The following PHF14 variants were observed in gnomAD, a reference collection of about 807,000 sequenced individuals.
The protein encoded by PHF14 is PHD finger protein 14.
A neutral mutation model predicts 117.9 loss-of-function variants in PHF14; 55 were observed. The ratio of observed to expected loss-of-function variants is 0.47; its 90% CI spans 0.38 to 0.58. PHF14 has a LOEUF of 0.58. PHF14 is among the 20% of genes least tolerant of loss of function. The pLI is 0.00. For synonymous variants in PHF14, 409 were observed against 368.6 expected (o/e 1.11, Z -1.26); for missense variants, 978 against 1,122.2 (o/e 0.87, Z 1.84).
At chr7:11,084,358 A>T (rs1326460726) in intron 16 of PHF14, among the ~76,000 whole-genome samples, 1 of 152,104 alleles carries the variant, frequency 6.6e-6, no homozygotes, top group Non-Finnish European at 1.5e-5. Flanking sequence ...CATCCTCTAA[A>T]CCTGTCCCTT....
chr7:11,106,068 C>G (rs1394570369), intron 16 of PHF14: 5 of 983,850 alleles, frequency 5.1e-6, no homozygotes, highest in Non-Finnish European at 6.0e-6. Flanking sequence ...TCTAATTCTT[C>G]TCTCATGCTG....
At chr7:11,026,493 A>G (rs1463146487) in intron 6 of PHF14, among the ~76,000 whole-genome samples, 1 of 152,130 alleles carries the variant, frequency 6.6e-6, no homozygotes, top group Non-Finnish European at 1.5e-5. Context: ...AGGTTATTTG[A>G]GCATTAACAG....
chr7:11,074,086 C>T (rs1785728227), intron 16 of PHF14, among the ~76,000 whole-genome samples: 1 of 152,186 alleles, frequency 6.6e-6, no homozygotes, highest in Non-Finnish European at 1.5e-5. Flanking sequence ...GCGTTCAATG[C>T]CTTTCCCCCA....
At chr7:11,069,171 G>A (rs897376282) in intron 16 of PHF14, among the ~76,000 whole-genome samples, 60 of 152,206 alleles carry the variant, frequency 3.9e-4, no homozygotes, top group Admixed American at 9.8e-4. Flanking sequence ...GAACAGCAGT[G>A]GGCAAGAGTC....
rs544289517 is a variant in PHF14, at chr7:10,997,100, A to G, written c.1045+6253A>G. On this transcript the variant is annotated intron_variant, in intron 4 of 17. Transcript: ENST00000634607. The stretch of plus-strand genomic sequence containing the variant: ...ATATTAGATACATCTTGGTCCTTCT[A>G]TCCCTTTCTGTCTGTATTTAATGCA... Among the ~76,000 whole-genome samples, 6 of 152,286 alleles carry G rather than the reference A, an allele frequency of 3.9e-5. No individual in the cohort carries two copies. The South Asian group carries it at 1.2e-3, about 32-fold the overall frequency.
Position 11,032,574 on chromosome 7 carries a change from G to C in PHF14, c.1456-3066G>C, listed in dbSNP as rs546125308. 9.9e-5 allele frequency among the ~76,000 whole-genome samples: 15 copies of C among 151,990 alleles called. No individual in the cohort carries two copies. In the South Asian group the frequency reaches 3.1e-3, roughly 32 times the overall value. On this transcript the variant is annotated intron_variant, in intron 7 of 17. Coordinates refer to ENST00000634607, the MANE Select transcript of PHF14 (RefSeq NM_001007157.2). ...GACCACAAGCTAAACTTAATCCATA[G>C]ATGGATTTTGTTTGTTAGGAGTAGA... is the stretch of plus-strand genomic sequence containing the variant.
chr7:11,129,254 A>T (rs1442140660), intron 17 of PHF14, among the ~76,000 whole-genome samples: 1 of 152,130 alleles, frequency 6.6e-6, no homozygotes, highest in African/African-American at 2.4e-5. Flanking sequence ...TTGAAACAAC[A>T]AATGATGTTT....
chr7:11,030,061 C>T (rs552611491), intron 7 of PHF14, among the ~76,000 whole-genome samples: 1 of 151,032 alleles, frequency 6.6e-6, no homozygotes, highest in African/African-American at 2.4e-5. Context: ...ATAGCTGTTC[C>T]AATCTCTTCA....
chr7:11,048,053 A>G (rs1241570554), intron 13 of PHF14, among the ~76,000 whole-genome samples: 1 of 152,080 alleles, frequency 6.6e-6, no homozygotes, highest in Non-Finnish European at 1.5e-5. Context: ...TATACTTTAA[A>G]TTTTTAATTG....
intron 17 of PHF14, among the ~76,000 whole-genome samples, chr7:11,159,843 C>T (rs1788972646): frequency 6.6e-6 from 1 of 152,178 alleles, no homozygotes; most frequent in East Asian, 1.9e-4. Context: ...AAAAGATATT[C>T]CTTTTTATTC....
chr7:11,073,091 C>A (rs1014301881), intron 16 of PHF14, among the ~76,000 whole-genome samples: 4 of 152,008 alleles, frequency 2.6e-5, no homozygotes, highest in Non-Finnish European at 5.9e-5. Flanking sequence ...TCACTCCTTG[C>A]CCCCCCTCCC....
intron 13 of PHF14, among the ~76,000 whole-genome samples, 181 bp from the exon 14 acceptor site, chr7:11,051,431 T>C (rs2128326666): frequency 6.6e-6 from 1 of 152,318 alleles, no homozygotes; most frequent in African/African-American, 2.4e-5. Context: ...ATTATATTCA[T>C]AGTAGTCACT....
At chr7:11,124,864 C>G (rs1172864903) in intron 17 of PHF14, among the ~76,000 whole-genome samples, 1 of 152,086 alleles carries the variant, frequency 6.6e-6, no homozygotes, top group African/African-American at 2.4e-5. Context: ...ATAAACATGA[C>G]TTCTAATCGG....
chr7:10,985,351 G>T (rs560513635), intron 3 of PHF14, among the ~76,000 whole-genome samples: 81 of 152,008 alleles, frequency 5.3e-4, no homozygotes, highest in Non-Finnish European at 9.3e-4. Flanking sequence ...AAACTACTTT[G>T]TAGTAGAGTT....
intron 16 of PHF14, chr7:11,105,531 TA>T: frequency 5.1e-6 from 5 of 979,182 alleles, no homozygotes; most frequent in Non-Finnish European, 6.1e-6. Flanking sequence ...ATTAAATTTT[TA>T]AAAAAATTTA....
rs148715796 is a variant in PHF14, at chr7:11,146,822, C to T, written c.2773-22594C>T. On this transcript the variant is annotated intron_variant, in intron 17 of 17. Transcript: ENST00000634607. ...ATTGACTCACTTTTGTGCAAATCAA[C>T]GATGCAGCTTTTTTGGTTTTTATTT... 3.0e-3 allele frequency among the ~76,000 whole-genome samples: 453 copies of T among 152,110 alleles called. 5 individuals are homozygous for T. The highest frequency in any genetic ancestry group is 4.8e-3 in the Non-Finnish European group (329 of 67,970).
At chr7:11,137,642 C>G (rs550443340) in intron 17 of PHF14, among the ~76,000 whole-genome samples, 3 of 128,382 alleles carry the variant, frequency 2.3e-5, no homozygotes, top group African/African-American at 9.1e-5. Flanking sequence ...GTTGCCCAGG[C>G]TAGAGTGCAA....
intron 12 of PHF14, 78 bp downstream of exon 12, chr7:11,040,853 C>A: frequency 4.6e-6 from 3 of 652,682 alleles, no homozygotes; most frequent in Non-Finnish European, 4.9e-6. Context: ...GAAGATCCTG[C>A]AAATATTTGA....
At chr7:11,140,686 C>G (rs1788374876) in intron 17 of PHF14, among the ~76,000 whole-genome samples, 1 of 151,868 alleles carries the variant, frequency 6.6e-6, no homozygotes, top group South Asian at 2.1e-4. Context: ...CCATTTCAAG[C>G]AAGGAAGTTG....
Sources: gnomAD v4.1 joint callset for allele counts (sites outside exome capture counted in the v4.1 genomes callset) on GRCh38, gnomAD v4.1.1 for gene constraint, MANE v1.5 for transcripts, NCBI Gene and HGNC (gene_info 2026-07-23, HGNC 2026-07-21) for gene names.